TAFA2: variants seen among roughly 807,000 people sequenced by gnomAD.
TAFA2 encodes the protein TAFA chemokine like family member 2.
Under a neutral mutation model 18.8 loss-of-function variants are expected in TAFA2, and 7 were observed. The observed-to-expected ratio is 0.37, with a 90% CI of 0.21 to 0.70. The LOEUF is 0.70. Ranked by LOEUF, TAFA2 falls within the 30% of genes least tolerant of loss-of-function variation. TAFA2 has a pLI of 0.53. For synonymous variants in TAFA2, 60 were observed against 54.2 expected (o/e 1.11, Z -0.47); for missense variants, 122 against 158.1 (o/e 0.77, Z 1.23).
intron 4 of TAFA2, among the ~76,000 whole-genome samples, chr12:61,747,178 C>T (rs1315768423): frequency 6.6e-6 from 1 of 151,922 alleles, no homozygotes; most frequent in Admixed American, 6.6e-5. Context: ...CCATCTCACA[C>T]CAGTTAGAAT....
At chr12:62,005,552 T>C (rs375554075) in intron 1 of TAFA2, among the ~76,000 whole-genome samples, 39 of 152,276 alleles carry the variant, frequency 2.6e-4, no homozygotes, top group African/African-American at 8.4e-4. Context: ...GAAACTTTAA[T>C]ATGAAATTTT....
chr12:62,142,181 C>T (rs1378561401), intron 1 of TAFA2, among the ~76,000 whole-genome samples: 3 of 152,166 alleles, frequency 2.0e-5, no homozygotes, highest in Non-Finnish European at 4.4e-5. Flanking sequence ...TTTAACCTAT[C>T]TGAGACAGTT....
At chr12:61,925,471 T>A (rs1877248569) in intron 1 of TAFA2, among the ~76,000 whole-genome samples, 1 of 152,178 alleles carries the variant, frequency 6.6e-6, no homozygotes, top group Non-Finnish European at 1.5e-5. Context: ...CTGAACAACC[T>A]ACTCCTGAAT....
intron 2 of TAFA2, among the ~76,000 whole-genome samples, chr12:61,767,483 G>GTT (rs201255992): frequency 1.3e-5 from 2 of 150,888 alleles, no homozygotes; most frequent in African/African-American, 2.4e-5. Flanking sequence ...ATGCTAAGAG[G>GTT]TTTTTTTTTC....
intron 1 of TAFA2, among the ~76,000 whole-genome samples, chr12:62,097,695 A>T (rs192206243): frequency 4.5e-4 from 68 of 152,314 alleles, no homozygotes; most frequent in Non-Finnish European, 8.7e-4. Flanking sequence ...GCAGTAATGC[A>T]CGTGGACTCC....
At chr12:61,996,195 G>A (rs1473674461) in intron 1 of TAFA2, among the ~76,000 whole-genome samples, 1 of 152,044 alleles carries the variant, frequency 6.6e-6, no homozygotes. Context: ...GCAAAGTACT[G>A]GAGATAATCA....
intron 4 of TAFA2, among the ~76,000 whole-genome samples, chr12:61,752,095 A>G (rs1433959880): frequency 1.3e-5 from 2 of 152,062 alleles, no homozygotes; most frequent in African/African-American, 4.8e-5. Flanking sequence ...TTAATTAGCT[A>G]TATGTCCTTG....
At chr12:61,873,002 G>C (rs984370307) in intron 1 of TAFA2, among the ~76,000 whole-genome samples, 2 of 152,126 alleles carry the variant, frequency 1.3e-5, no homozygotes, top group African/African-American at 4.8e-5. Context: ...ATTTCCATGA[G>C]AGCAGAGATC....
At chr12:62,236,911 T>C (rs141074777) in intron 1 of TAFA2, among the ~76,000 whole-genome samples, 4 of 152,194 alleles carry the variant, frequency 2.6e-5, no homozygotes, top group South Asian at 2.1e-4. Context: ...GAGTTTATTA[T>C]ACGCCTTGAG....
chr12:61,783,297 C>T (rs796813300), intron 2 of TAFA2, among the ~76,000 whole-genome samples: 3 of 151,728 alleles, frequency 2.0e-5, no homozygotes, highest in African/African-American at 7.2e-5. Flanking sequence ...AATAATGCTT[C>T]CTTGTTTTGG....
chr12:62,146,306 CAGG>C (rs1263450544), intron 1 of TAFA2, among the ~76,000 whole-genome samples: 1 of 70,282 alleles, frequency 1.4e-5, no homozygotes, highest in African/African-American at 5.1e-5. Context: ...TTTTTTTTGA[CAGG>C]ATCTGGCTCT....
Position 61,892,927 on chromosome 12 carries a change from TA to T in TAFA2, c.-1-25502del, listed in dbSNP as rs557228033. Among the ~76,000 whole-genome samples the T allele has an allele frequency of 3.5e-3, 537 of 152,160 alleles. 2 individuals are homozygous for T. The highest frequency in any genetic ancestry group is 5.6e-3 in the Non-Finnish European group (381 of 68,002). On this transcript the variant is annotated intron_variant, in intron 1 of 4. Transcript: ENST00000416284. ...ATGTATAAAATATAAATGTTTGCAG[TA>T]AAAAAAATCTGAAATTCAAATTTAA...
At chr12:61,711,106 A>G (rs1230302516) in intron 4 of TAFA2, among the ~76,000 whole-genome samples, 2 of 152,102 alleles carry the variant, frequency 1.3e-5, no homozygotes, top group African/African-American at 2.4e-5. Flanking sequence ...AAAAACATTC[A>G]TACTAACTTC....
At chr12:62,182,508 C>T (rs1040984184) in intron 1 of TAFA2, among the ~76,000 whole-genome samples, 1 of 152,188 alleles carries the variant, frequency 6.6e-6, no homozygotes, top group South Asian at 2.1e-4. Flanking sequence ...CACGGGCCAA[C>T]AGTATTCAGC....
intron 1 of TAFA2, among the ~76,000 whole-genome samples, chr12:62,148,055 A>G (rs1483669971): frequency 2.7e-5 from 3 of 110,686 alleles, no homozygotes; most frequent in Non-Finnish European, 6.1e-5. Context: ...CTAAAAAGTC[A>G]AAAAAAAGCA....
intron 2 of TAFA2, among the ~76,000 whole-genome samples, chr12:61,787,001 A>T (rs141570991): frequency 6.6e-6 from 1 of 151,734 alleles, no homozygotes; most frequent in East Asian, 1.9e-4. Context: ...GAGATTAGTG[A>T]TTTAAACTTA....
At chr12:62,076,523 G>A (rs1868249469) in intron 1 of TAFA2, among the ~76,000 whole-genome samples, 1 of 152,098 alleles carries the variant, frequency 6.6e-6, no homozygotes, top group Non-Finnish European at 1.5e-5. Flanking sequence ...CTACTCCAAT[G>A]AAATCTAATG....
chr12:61,990,534 T>C (rs1009824788), intron 1 of TAFA2, among the ~76,000 whole-genome samples: 2 of 151,592 alleles, frequency 1.3e-5, no homozygotes, highest in Non-Finnish European at 2.9e-5. Flanking sequence ...AGAGACGGGG[T>C]TTCACCATGT....
rs75069012 is a variant in TAFA2, at chr12:61,969,186, A to T, written c.-1-101760T>A. Among the ~76,000 whole-genome samples the T allele has an allele frequency of 2.6e-4, 40 of 151,838 alleles. 1 individual carries two copies. In the East Asian group the frequency reaches 6.0e-3, roughly 23 times the overall value. On this transcript the variant is annotated intron_variant, in intron 1 of 4. Coordinates refer to ENST00000416284, the MANE Select transcript of TAFA2 (RefSeq NM_178539.5). ...TAATGCCACCATAAGTAATCAATAAATGCTTTATGACTGAACAACAAACAT... is the reference window on the plus strand; with the variant it reads ...TAATGCCACCATAAGTAATCAATAATTGCTTTATGACTGAACAACAAACAT...
Sources: allele counts gnomAD v4.1 joint callset (sites outside exome capture counted in the v4.1 genomes callset), GRCh38; gene constraint gnomAD v4.1.1; transcripts MANE v1.5; gene names NCBI Gene and HGNC (gene_info 2026-07-23, HGNC 2026-07-21).